SERPINA6: variants seen among roughly 807,000 people sequenced by gnomAD.
SERPINA6 encodes the protein serpin family A member 6.
In SERPINA6, 19 loss-of-function variants were observed where a neutral mutation model predicts 26.4. The ratio of observed to expected loss-of-function variants is 0.72; its 90% CI spans 0.50 to 1.06. The LOEUF (loss-of-function observed/expected upper bound fraction) is 1.06. Ranked by LOEUF, SERPINA6 falls within the 50% of genes least tolerant of loss-of-function variation. The pLI is 0.00. For missense variants in SERPINA6, 473 were observed against 504.0 expected (o/e 0.94, Z 0.59); for synonymous variants, 196 against 199.4 (o/e 0.98, Z 0.14).
intron 1 of SERPINA6, among the ~76,000 whole-genome samples, chr14:94,320,638 C>T (rs1053292150): frequency 4.6e-5 from 7 of 152,174 alleles, no homozygotes; most frequent in African/African-American, 1.4e-4. Context: ...GCGCTCCGAG[C>T]GTGGGAACCA....
intron 1 of SERPINA6, among the ~76,000 whole-genome samples, chr14:94,322,749 C>G (rs1023211755): frequency 6.6e-6 from 1 of 152,222 alleles, no homozygotes; most frequent in Non-Finnish European, 1.5e-5. Flanking sequence ...CAGTTCTGTT[C>G]TCTGTGCATT....
chr14:94,319,284 T>A (rs983847639), intron 1 of SERPINA6, among the ~76,000 whole-genome samples: 1 of 144,702 alleles, frequency 6.9e-6, no homozygotes, highest in Non-Finnish European at 1.5e-5. Context: ...AAGATTTCCT[T>A]TAAAAAAATT....
chr14:94,312,621 A>G (rs1895547803), intron 2 of SERPINA6, among the ~76,000 whole-genome samples: 1 of 152,208 alleles, frequency 6.6e-6, no homozygotes, highest in Non-Finnish European at 1.5e-5. Context: ...GGTGTTAGGA[A>G]GGCTGCCTTT....
intron 2 of SERPINA6, among the ~76,000 whole-genome samples, chr14:94,312,425 C>T (rs1895544966): frequency 6.6e-6 from 1 of 151,974 alleles, no homozygotes; most frequent in Non-Finnish European, 1.5e-5. Flanking sequence ...AACCTCTGTG[C>T]AACCACTGCT....
chr14:94,314,292 T>C lies in SERPINA6; in HGVS notation c.357A>G (p.Ser119=). ...FQHLHQLFAK[S]DTSLEMTMGN... ...CCATGGTCATTTCTAAGCTGGTGTC[T>C]GACTTTGCAAAGAGTTGGTGCAGGT... Residue 119 remains serine (S), a synonymous_variant, in exon 2 of 5, where the codon TCA becomes TCG. Coordinates refer to ENST00000341584, the MANE Select transcript of SERPINA6 (RefSeq NM_001756.4). The C allele has an allele frequency of 6.2e-7, 1 of 1,614,204 alleles. No individual in the cohort carries two copies. Among genetic ancestry groups the C allele is most frequent in the Non-Finnish European group, 8.5e-7 (1 of 1,180,038 alleles).
intron 1 of SERPINA6, 119 bp from the exon 2 acceptor site, chr14:94,314,786 T>A: frequency 2.2e-6 from 2 of 910,736 alleles, no homozygotes; most frequent in Non-Finnish European, 3.5e-6. Context: ...CCACACTGGC[T>A]GTGTGACCTG....
At chr14:94,305,471 T>A (rs905212433) in intron 4 of SERPINA6, among the ~76,000 whole-genome samples, 1 of 152,132 alleles carries the variant, frequency 6.6e-6, no homozygotes, top group African/African-American at 2.4e-5. Flanking sequence ...GTTGACTCAA[T>A]CCACTCACAC....
intron 2 of SERPINA6, 128 bp downstream of exon 2, chr14:94,313,908 T>G: frequency 1.0e-6 from 1 of 993,980 alleles, no homozygotes; most frequent in Non-Finnish European, 1.6e-6. Context: ...GTGGTGAAGA[T>G]GGAGATTCCC....
Position 94,314,068 on chromosome 14 carries a change from A to G in SERPINA6, c.581T>C (p.Ile194Thr). The change falls in exon 2 of 5, where the codon ATC becomes ACC. Residue 194 changes from isoleucine to threonine, a missense_variant. Coordinates refer to ENST00000341584, the MANE Select transcript of SERPINA6 (RefSeq NM_001756.4). ...DLFSGLDSPA[I>T]LVLVNYIFFK... is the part of the protein sequence containing the mutation. The stretch of plus-strand genomic sequence containing the variant: ...GAAGATATAGTTGACCAGGACGAGG[A>G]TGGCTGGGCTATCCAGCCCTGAAAA... 6.2e-7 allele frequency: 1 copy of G among 1,614,164 alleles called. No homozygotes were observed. Among genetic ancestry groups the G allele is most frequent in the South Asian group, 1.1e-5 (1 of 91,086 alleles).
chr14:94,310,022 G>C lies in SERPINA6; in HGVS notation c.614-16C>G. 6.2e-7 allele frequency: 1 copy of C among 1,613,804 alleles called. No individual in the cohort carries two copies. Among genetic ancestry groups the C allele is most frequent in the African/African-American group, 1.3e-5 (1 of 75,020 alleles). The stretch of plus-strand genomic sequence containing the variant: ...GTCCATGTGCCTAGGAAGAGGAGGA[G>C]ACAGGTCTGTAGGGCAGAGAGGAAA... On this transcript the variant is annotated splice_polypyrimidine_tract_variant and intron_variant, in intron 2 of 4. Coordinates refer to ENST00000341584, the MANE Select transcript of SERPINA6 (RefSeq NM_001756.4).
At chr14:94,311,981 C>T in intron 2 of SERPINA6, among the ~76,000 whole-genome samples, 1 of 152,148 alleles carries the variant, frequency 6.6e-6, no homozygotes, top group South Asian at 2.1e-4. Flanking sequence ...AAATAAATAA[C>T]ACATCAGGGC....
At chr14:94,318,929 A>G (rs1429213529) in intron 1 of SERPINA6, among the ~76,000 whole-genome samples, 1 of 152,258 alleles carries the variant, frequency 6.6e-6, no homozygotes, top group African/African-American at 2.4e-5. Flanking sequence ...ATTGATATCC[A>G]GGATATATAA....
At chr14:94,305,699 G>A (rs112879410) in intron 4 of SERPINA6, among the ~76,000 whole-genome samples, 221 of 152,306 alleles carry the variant, frequency 1.5e-3, no homozygotes, top group African/African-American at 5.2e-3. Context: ...ATGTAATTGG[G>A]TAGAAGGCTC....
chr14:94,305,173 T>C (rs1211034925), intron 4 of SERPINA6, among the ~76,000 whole-genome samples: 1 of 152,098 alleles, frequency 6.6e-6, no homozygotes, highest in Admixed American at 6.5e-5. Context: ...ATTGGTGAGC[T>C]CACAACACCC....
intron 2 of SERPINA6, 62 bp downstream of exon 2, chr14:94,313,974 T>A (rs1895570905): frequency 1.3e-6 from 2 of 1,589,966 alleles, no homozygotes; most frequent in Non-Finnish European, 1.7e-6. Flanking sequence ...TGCCCTGGAT[T>A]TTAGCGGCTG....
At chr14:94,322,670 T>C (rs866219013) in intron 1 of SERPINA6, among the ~76,000 whole-genome samples, 1 of 152,214 alleles carries the variant, frequency 6.6e-6, no homozygotes, top group African/African-American at 2.4e-5. Flanking sequence ...TTTTCACAAA[T>C]GCCCTATGAG....
rs191026012 is a variant in SERPINA6 at position 94,304,523 on chromosome 14, C to T, written c.1113G>A (p.Thr371=). 1.4e-4 allele frequency: 224 copies of T among 1,614,136 alleles called. 1 individual carries two copies. The East Asian group carries it at 3.1e-3, about 22-fold the overall frequency. ...AGSTGVTLNL[T]SKPIILRFNQ... is the part of the protein sequence containing the mutation. ...TGAAACGCAAGATGATAGGCTTGGA[C>T]GTCAGGTTTAGGGTGACCCCAGTGG... Residue 371 remains threonine, a synonymous_variant, in exon 5 of 5, where the codon ACG becomes ACA. Transcript: ENST00000341584.
At chr14:94,315,001 G>T (rs780457734) in intron 1 of SERPINA6, among the ~76,000 whole-genome samples, 43 of 152,152 alleles carry the variant, frequency 2.8e-4, no homozygotes, top group Non-Finnish European at 5.0e-4. Flanking sequence ...TGCTCAGAAA[G>T]GTTAAAACCC....
At chr14:94,313,474 G>C (rs1416938458) in intron 2 of SERPINA6, among the ~76,000 whole-genome samples, 1 of 152,230 alleles carries the variant, frequency 6.6e-6, no homozygotes, top group African/African-American at 2.4e-5. Context: ...GATGAGGGAA[G>C]CAGAGGTGGG....
Sources: gnomAD v4.1 joint callset for allele counts (sites outside exome capture counted in the v4.1 genomes callset) on GRCh38, gnomAD v4.1.1 for gene constraint, MANE v1.5 for transcripts, NCBI Gene and HGNC (gene_info 2026-07-23, HGNC 2026-07-21) for gene names.